Variants in DLG2 observed in about 807,000 individuals in gnomAD.
DLG2 encodes disks large homolog 2.
Under a neutral mutation model 132.5 loss-of-function variants are expected in DLG2, and 45 were observed. That is an observed-to-expected ratio of 0.34 (90% CI 0.27 to 0.44). The LOEUF is 0.44. Ranked by LOEUF, DLG2 falls within the 20% of genes least tolerant of loss-of-function variation. The pLI is 1.00. For missense variants in DLG2, 1,045 were observed against 1,196.9 expected (o/e 0.87, Z 1.87); for synonymous variants, 424 against 419.6 (o/e 1.01, Z -0.13).
intron 21 of DLG2, among the ~76,000 whole-genome samples, chr11:83,523,335 C>T (rs944926025): frequency 3.9e-5 from 6 of 151,908 alleles, no homozygotes; most frequent in Non-Finnish European, 8.8e-5. Context: ...ATTTATATTA[C>T]ATAACCACAT....
At chr11:84,611,465 G>A (rs1280575954) in intron 6 of DLG2, among the ~76,000 whole-genome samples, 1 of 152,112 alleles carries the variant, frequency 6.6e-6, no homozygotes, top group East Asian at 1.9e-4. Context: ...GTCCCTGGAA[G>A]CCTGATGGGG....
At chr11:84,113,814 G>T (rs977500318) in intron 9 of DLG2, among the ~76,000 whole-genome samples, 2 of 152,102 alleles carry the variant, frequency 1.3e-5, no homozygotes, top group Non-Finnish European at 2.9e-5. Context: ...GGTAATAAAA[G>T]TTCAATGATA....
At chr11:85,013,940 TG>T (rs2059361291) in intron 6 of DLG2, among the ~76,000 whole-genome samples, 1 of 152,200 alleles carries the variant, frequency 6.6e-6, no homozygotes, top group East Asian at 1.9e-4. Context: ...AGACTTTTTT[TG>T]GTAAGAATAC....
intron 7 of DLG2, among the ~76,000 whole-genome samples, chr11:84,518,785 G>A (rs185824760): frequency 2.0e-5 from 3 of 152,194 alleles, no homozygotes; most frequent in Admixed American, 1.3e-4. Flanking sequence ...AAGCTAAGGC[G>A]TGCAACAATA....
intron 7 of DLG2, among the ~76,000 whole-genome samples, chr11:84,273,847 G>T (rs1342980556): frequency 6.6e-6 from 1 of 152,140 alleles, no homozygotes; most frequent in Non-Finnish European, 1.5e-5. Context: ...TTCACCTACA[G>T]AGTATTACTG....
At chr11:83,661,875 G>A (rs1211807078) in intron 18 of DLG2, among the ~76,000 whole-genome samples, 1 of 152,150 alleles carries the variant, frequency 6.6e-6, no homozygotes, top group East Asian at 1.9e-4. Context: ...AGGACAGAGC[G>A]AATGAATCAT....
At chr11:84,366,749 C>T (rs2098685539) in intron 7 of DLG2, among the ~76,000 whole-genome samples, 1 of 152,122 alleles carries the variant, frequency 6.6e-6, no homozygotes. Context: ...ATCAATTCAA[C>T]AAGAAGAGCT....
intron 7 of DLG2, among the ~76,000 whole-genome samples, chr11:84,473,109 G>T (rs1306641860): frequency 1.3e-5 from 2 of 151,984 alleles, no homozygotes; most frequent in East Asian, 1.9e-4. Flanking sequence ...CTTGTCTAAA[G>T]TTCATTCACC....
chr11:85,365,784 G>C (rs949495887), intron 3 of DLG2, among the ~76,000 whole-genome samples: 4 of 152,192 alleles, frequency 2.6e-5, no homozygotes, highest in African/African-American at 9.6e-5. Flanking sequence ...TCCTTTGTAG[G>C]AATGTGGATG....
At chr11:84,482,392 A>T (rs1680479152) in intron 7 of DLG2, among the ~76,000 whole-genome samples, 1 of 152,228 alleles carries the variant, frequency 6.6e-6, no homozygotes, top group Admixed American at 6.5e-5. Flanking sequence ...ACTAGTTAGA[A>T]ATCCATGATC....
intron 6 of DLG2, among the ~76,000 whole-genome samples, chr11:84,948,452 A>G (rs2050503500): frequency 1.3e-5 from 2 of 152,242 alleles, no homozygotes; most frequent in African/African-American, 4.8e-5. Flanking sequence ...AAGCAAGGGC[A>G]GGACTGGAAT....
At chr11:85,020,038 G>A (rs1371319381) in intron 6 of DLG2, among the ~76,000 whole-genome samples, 3 of 152,236 alleles carry the variant, frequency 2.0e-5, no homozygotes, top group East Asian at 1.9e-4. Flanking sequence ...TTGGGGAATC[G>A]CCACGCTGTC....
chr11:84,106,409 G>C (rs1471050186), intron 9 of DLG2, among the ~76,000 whole-genome samples: 4 of 152,084 alleles, frequency 2.6e-5, no homozygotes, highest in Non-Finnish European at 5.9e-5. Context: ...AAATAATGCA[G>C]ACATTTCTAA....
chr11:84,920,616 T>A (rs567418601), intron 6 of DLG2, among the ~76,000 whole-genome samples: 2 of 152,178 alleles, frequency 1.3e-5, no homozygotes, highest in African/African-American at 2.4e-5. Context: ...TTTCCAAGAC[T>A]CTAACATAGT....
intron 8 of DLG2, among the ~76,000 whole-genome samples, chr11:84,198,776 T>C (rs1174020688): frequency 6.6e-6 from 1 of 152,162 alleles, no homozygotes; most frequent in African/African-American, 2.4e-5. Context: ...TGATTTAGAA[T>C]GTAAAGAAAC....
intron 4 of DLG2, among the ~76,000 whole-genome samples, chr11:85,271,527 G>C (rs181902977): frequency 1.3e-5 from 2 of 152,172 alleles, no homozygotes; most frequent in African/African-American, 4.8e-5. Context: ...AGCTTGCACC[G>C]TGCACCCAGA....
chr11:85,334,872 T>C (rs1202421308), intron 3 of DLG2, among the ~76,000 whole-genome samples: 2 of 152,226 alleles, frequency 1.3e-5, no homozygotes, highest in Non-Finnish European at 1.5e-5. Context: ...GTATGTTTCA[T>C]GTGACAATGA....
chr11:83,999,235 G>T (rs935290837), intron 11 of DLG2, among the ~76,000 whole-genome samples: 1 of 151,962 alleles, frequency 6.6e-6, no homozygotes, highest in Non-Finnish European at 1.5e-5. Flanking sequence ...TCTGGGCCAG[G>T]GCCCAGCCCA....
At chr11:83,585,212 A>G (rs944302952) in intron 19 of DLG2, among the ~76,000 whole-genome samples, 2 of 152,244 alleles carry the variant, frequency 1.3e-5, no homozygotes, top group Non-Finnish European at 2.9e-5. Context: ...AAGATCTTTA[A>G]ATGATAATAT....
Sources: allele counts gnomAD v4.1 joint callset (sites outside exome capture counted in the v4.1 genomes callset), GRCh38; gene constraint gnomAD v4.1.1; transcripts MANE v1.5; gene names NCBI Gene and HGNC (gene_info 2026-07-23, HGNC 2026-07-21).